The following SLC4A4 variants were observed in gnomAD, a reference collection of about 807,000 sequenced individuals.
The protein encoded by SLC4A4 is electrogenic sodium bicarbonate cotransporter 1.
Under a neutral mutation model 111.5 loss-of-function variants are expected in SLC4A4, and 27 were observed. That is an observed-to-expected ratio of 0.24 (90% CI 0.18 to 0.33). The LOEUF is 0.33. Ranked by LOEUF, SLC4A4 falls within the 10% of genes least tolerant of loss-of-function variation. SLC4A4 has a pLI of 1.00. For missense variants in SLC4A4, 909 were observed against 1,315.5 expected, an observed-to-expected ratio of 0.69 and a Z score of 4.78; for synonymous variants, 443 against 463.4, an observed-to-expected ratio of 0.96 and a Z score of 0.57.
chr4:71,324,894 A>G (rs1475891882), intron 3 of SLC4A4, among the ~76,000 whole-genome samples: 1 of 151,988 alleles, frequency 6.6e-6, no homozygotes, highest in Non-Finnish European at 1.5e-5. Flanking sequence ...TAGTTTGATA[A>G]TATTATGAAA....
intron 1 of SLC4A4, among the ~76,000 whole-genome samples, chr4:71,195,536 G>T (rs1033323460): frequency 6.6e-6 from 1 of 152,102 alleles, no homozygotes; most frequent in East Asian, 1.9e-4. Context: ...AATACAAGGG[G>T]TAGTTATGGT....
At chr4:71,140,820 T>G (rs955761572) in intron 2 of SLC4A4, among the ~76,000 whole-genome samples, 5 of 152,334 alleles carry the variant, frequency 3.3e-5, no homozygotes, top group Admixed American at 2.6e-4. Flanking sequence ...ACCTATCATC[T>G]CTCACTAGGA....
intron 3 of SLC4A4, among the ~76,000 whole-genome samples, chr4:71,313,081 C>T (rs933035819): frequency 1.3e-5 from 2 of 152,194 alleles, no homozygotes; most frequent in Non-Finnish European, 2.9e-5. Context: ...TCAGCAAAGT[C>T]TCAGGATACA....
intron 2 of SLC4A4, among the ~76,000 whole-genome samples, chr4:71,179,213 T>G (rs1031988228): frequency 2.9e-4 from 44 of 152,118 alleles, no homozygotes; most frequent in African/African-American, 1.0e-3. Flanking sequence ...CTCAAAATAA[T>G]AAGAGCTATC....
chr4:71,539,884 T>A (rs1734890288), intron 18 of SLC4A4, among the ~76,000 whole-genome samples: 1 of 152,134 alleles, frequency 6.6e-6, no homozygotes, highest in South Asian at 2.1e-4. Flanking sequence ...TGGCTCTCAG[T>A]TGTTACACTG....
At chr4:71,217,648 A>T (rs1718516582) in intron 1 of SLC4A4, among the ~76,000 whole-genome samples, 1 of 152,232 alleles carries the variant, frequency 6.6e-6, no homozygotes, top group Non-Finnish European at 1.5e-5. Context: ...GATGCTTATT[A>T]TATGGTTGCT....
chr4:71,123,287 GA>G (rs1211258634), intron 2 of SLC4A4, among the ~76,000 whole-genome samples: 2 of 152,040 alleles, frequency 1.3e-5, no homozygotes, highest in Non-Finnish European at 2.9e-5. Context: ...TAAAATGAAT[GA>G]AAAAGGCATA....
intron 3 of SLC4A4, among the ~76,000 whole-genome samples, chr4:71,271,067 G>A (rs1005257635): frequency 5.3e-5 from 8 of 152,078 alleles, no homozygotes; most frequent in Non-Finnish European, 1.0e-4. Context: ...CATCTTTCAC[G>A]TTTGCCTGCA....
At chr4:71,421,352 T>C (rs1389212751) in intron 7 of SLC4A4, among the ~76,000 whole-genome samples, 1 of 152,128 alleles carries the variant, frequency 6.6e-6, no homozygotes, top group African/African-American at 2.4e-5. Flanking sequence ...CTGAGTGACC[T>C]ACAAAGAGAC....
intron 12 of SLC4A4, among the ~76,000 whole-genome samples, chr4:71,457,771 T>C (rs1461094448): frequency 6.6e-6 from 1 of 152,076 alleles, no homozygotes; most frequent in Non-Finnish European, 1.5e-5. Context: ...CAGTCATTCC[T>C]CGATATCAGC....
chr4:71,350,205 A>G (rs576541852), intron 5 of SLC4A4, 133 bp downstream of exon 5: 1 of 897,622 alleles, frequency 1.1e-6, no homozygotes, highest in South Asian at 1.5e-5. Flanking sequence ...TTTGCATTAT[A>G]ACATTAGTAT....
chr4:71,069,396 A>T (rs1256199582), intron 1 of SLC4A4, among the ~76,000 whole-genome samples: 1 of 152,206 alleles, frequency 6.6e-6, no homozygotes, highest in African/African-American at 2.4e-5. Context: ...ACAAGAACAA[A>T]ACCAAACAGA....
chr4:71,299,147 A>G lies in SLC4A4; in HGVS notation c.254-40223A>G, dbSNP rs576028366. 1.7e-3 allele frequency among the ~76,000 whole-genome samples: 258 copies of G among 152,306 alleles called. 1 individual carries two copies. The highest frequency in any genetic ancestry group is 6.0e-3 in the African/African-American group (251 of 41,570). On this transcript the variant is annotated intron_variant, in intron 3 of 25. Coordinates refer to ENST00000264485, the MANE Select transcript of SLC4A4 (RefSeq NM_001098484.3). ...TAAGAGACTCTCATTTTTGCTATCC[A>G]TGAGGCAGAAAAGTGGTGTGAAGGA...
At chr4:71,451,775 G>A (rs1246894024) in intron 11 of SLC4A4, among the ~76,000 whole-genome samples, 1 of 152,076 alleles carries the variant, frequency 6.6e-6, no homozygotes, top group Non-Finnish European at 1.5e-5. Context: ...AGACTAGAGG[G>A]GAATGACTGA....
intron 3 of SLC4A4, among the ~76,000 whole-genome samples, chr4:71,275,403 A>G (rs1722998325): frequency 6.6e-6 from 1 of 152,148 alleles, no homozygotes; most frequent in Non-Finnish European, 1.5e-5. Flanking sequence ...TTTCTACAAT[A>G]CTTCCTGAAA....
rs528315535 is a variant in SLC4A4, at chr4:71,570,683, G to T, written c.*2932G>T. The stretch of plus-strand genomic sequence containing the variant: ...TTGTTAACCAGAAAGTCCTGGCTGT[G>T]GTTGCAGAAACACTGTTGGAAGAAA... On this transcript the variant is annotated 3_prime_UTR_variant, in exon 26 of 26. Coordinates refer to ENST00000264485, the MANE Select transcript of SLC4A4 (RefSeq NM_001098484.3). The T allele has an allele frequency of 6.6e-6, 1 of 152,312 alleles. No individual in the cohort carries two copies. The allele number at this position is 152,312 out of a possible 1,614,324, so 9.4% of individuals were successfully genotyped here.
chr4:71,075,995 A>AAATG (rs1741805125), intron 1 of SLC4A4, among the ~76,000 whole-genome samples: 1 of 151,320 alleles, frequency 6.6e-6, no homozygotes, highest in African/African-American at 2.4e-5. Flanking sequence ...ATAAATAAAT[A>AAATG]AATAAATAAA....
At chr4:71,219,711 T>G (rs1718631449) in intron 1 of SLC4A4, among the ~76,000 whole-genome samples, 2 of 152,220 alleles carry the variant, frequency 1.3e-5, no homozygotes. Flanking sequence ...ACATTTATGA[T>G]TCATGGGAGG....
chr4:71,546,374 C>G lies in SLC4A4; in HGVS notation c.2467C>G (p.Leu823Val). 1 of 1,612,760 alleles carries G rather than the reference C, an allele frequency of 6.2e-7. No individual in the cohort carries two copies. Among genetic ancestry groups the G allele is most frequent in the Non-Finnish European group, 8.5e-7 (1 of 1,179,022 alleles). The stretch of plus-strand genomic sequence containing the variant: ...GAAAGGAGCAGGGTATCACTTGGAT[C>G]TCTTTTGGGTGGCCATCCTCATGGT... Reference protein sequence around the residue: ...LKKGAGYHLDLFWVAILMVIC... With the variant: ...LKKGAGYHLDVFWVAILMVIC... The change falls in exon 19 of 26, where the codon CTC becomes GTC. Residue 823 changes from leucine (L) to valine (V), a missense_variant. Around this residue, in one of 7 missense-constraint regions of SLC4A4, gnomAD observed 264 missense variants for 356.8 expected, o/e 0.74. Transcript: ENST00000264485.
Sources: allele counts gnomAD v4.1 joint callset (sites outside exome capture counted in the v4.1 genomes callset), GRCh38; gene constraint gnomAD v4.1.1; regional missense constraint gnomAD v4.1.1; transcripts MANE v1.5; gene names NCBI Gene and HGNC (gene_info 2026-07-23, HGNC 2026-07-21).